FAM149A: variants seen among roughly 807,000 people sequenced by gnomAD.
FAM149A encodes the protein protein FAM149A.
FAM149A carries 71 observed loss-of-function variants against 78.2 expected under a neutral mutation model. The ratio of observed to expected loss-of-function variants is 0.91; its 90% confidence interval spans 0.75 to 1.11. The LOEUF (loss-of-function observed/expected upper bound fraction) is 1.11. Among genes scored for constraint, FAM149A ranks in the 50% least tolerant of loss-of-function variants. The pLI is 0.00. For synonymous variants in FAM149A, 446 were observed against 410.5 expected, an observed-to-expected ratio of 1.09 and a Z score of -1.04; for missense variants, 1,036 against 971.0, an observed-to-expected ratio of 1.07 and a Z score of -0.89.
At chr4:186,140,019 G>GAAT (rs2126406817) in intron 1 of FAM149A, among the ~76,000 whole-genome samples, 1 of 152,246 alleles carries the variant, frequency 6.6e-6, no homozygotes, top group South Asian at 2.1e-4. Context: ...CTGAAAAAAG[G>GAAT]AATAATTTAC....
At chr4:186,160,271 CACAA>C (rs1466260551) in intron 8 of FAM149A, among the ~76,000 whole-genome samples, 1 of 146,560 alleles carries the variant, frequency 6.8e-6, no homozygotes. Flanking sequence ...ACACACCCGA[CACAA>C]ACACACCACA....
intron 1 of FAM149A, among the ~76,000 whole-genome samples, chr4:186,129,307 A>G (rs1353960352): frequency 2.0e-5 from 3 of 152,104 alleles, no homozygotes; most frequent in Non-Finnish European, 2.9e-5. Context: ...TATGGCCAAT[A>G]TTGGTCAAGG....
chr4:186,152,539 CTTTTTTTTTTTTTT>C (rs10718602), intron 4 of FAM149A, among the ~76,000 whole-genome samples: 7 of 88,272 alleles, frequency 7.9e-5, no homozygotes, highest in African/African-American at 3.3e-4. Context: ...TTTCTTTTTG[CTTTTTTTTTTTTTT>C]TTTTTTTTTG....
intron 1 of FAM149A, among the ~76,000 whole-genome samples, chr4:186,120,647 A>G (rs1327883667): frequency 6.6e-6 from 1 of 151,092 alleles, no homozygotes; most frequent in African/African-American, 2.4e-5. Context: ...CACAAAAATT[A>G]GCCAGGCATG....
intron 1 of FAM149A, among the ~76,000 whole-genome samples, chr4:186,130,579 A>T (rs982252022): frequency 6.6e-6 from 1 of 150,854 alleles, no homozygotes; most frequent in Non-Finnish European, 1.5e-5. Context: ...GGCTGGTCTC[A>T]AACTCCTGGA....
At chr4:186,151,250 G>C (rs1172854946) in intron 3 of FAM149A, among the ~76,000 whole-genome samples, 1 of 152,122 alleles carries the variant, frequency 6.6e-6, no homozygotes, top group Non-Finnish European at 1.5e-5. Flanking sequence ...CGCCTTCCTT[G>C]GTAGAAGGCT....
At position 186,155,977 on chromosome 4, in the gene FAM149A, TTG is replaced by T. The variant is rs769752801; in HGVS notation, c.1230-22_1230-21del. On this transcript the variant is annotated intron_variant, in intron 6 of 13. Coordinates refer to ENST00000389354, the MANE Select transcript of FAM149A (RefSeq NM_001367768.3). Reference sequence around the variant, plus strand: ...ACTCTAAGCATTGATCTTTTAGTAATTGGAGTGGGTTTTTATTCTTAGTGATG... The same window carrying T: ...ACTCTAAGCATTGATCTTTTAGTAATGAGTGGGTTTTTATTCTTAGTGATG... 66 of 1,599,510 alleles carry T rather than the reference TTG, an allele frequency of 4.1e-5. 2 individuals carry two copies. Among genetic ancestry groups the T allele is most frequent in the Non-Finnish European group, 8.5e-6 (10 of 1,171,964 alleles).
chr4:186,150,090 A>G (rs1185351516), intron 3 of FAM149A, among the ~76,000 whole-genome samples: 13 of 151,864 alleles, frequency 8.6e-5, no homozygotes, highest in Non-Finnish European at 8.8e-5. Context: ...ACTCCCCGCC[A>G]GTATTCCCAG....
intron 9 of FAM149A, 40 bp downstream of exon 9, chr4:186,162,988 C>T: frequency 8.6e-7 from 1 of 1,157,320 alleles, no homozygotes; most frequent in Non-Finnish European, 1.3e-6. Flanking sequence ...AGCCTCTTCC[C>T]TGTGCTGCAA....
intron 1 of FAM149A, chr4:186,131,944 C>T (rs1371006009): frequency 1.0e-6 from 1 of 985,320 alleles, no homozygotes; most frequent in East Asian, 1.1e-4. Context: ...AGCCCTTTAA[C>T]TGTAGTTAAT....
chr4:186,115,300 A>T lies in FAM149A; in HGVS notation c.566+9658A>T, dbSNP rs370121418. Among the ~76,000 whole-genome samples, 3 of 84,536 alleles carry T rather than the reference A, an allele frequency of 3.5e-5. 1 individual carries two copies. The highest frequency in any genetic ancestry group is 9.1e-5 in the African/African-American group (2 of 21,962). The allele number at this position is 84,536 out of a possible 152,430, so 55.5% of individuals were successfully genotyped here. A position where few individuals can be genotyped will look rare whatever the true frequency, so the allele number is the denominator to read the frequency against. ...TTATTCTAGTTATGCATTCTTCTAA[A>T]TTTTTTTCAAAGTTTTCAACTTCTT... On this transcript the variant is annotated intron_variant, in intron 1 of 13. Coordinates refer to ENST00000389354, the MANE Select transcript of FAM149A (RefSeq NM_001367768.3).
At chr4:186,120,420 C>T (rs955490979) in intron 1 of FAM149A, among the ~76,000 whole-genome samples, 10 of 152,124 alleles carry the variant, frequency 6.6e-5, no homozygotes, top group Non-Finnish European at 1.2e-4. Flanking sequence ...TTAAAATCTA[C>T]TTCCAAAGTA....
chr4:186,165,410 A>T lies in FAM149A; in HGVS notation c.1956A>T (p.Leu652=), dbSNP rs774224809. ...CGTCACGGAGCAGGTTCCCCCCGCT[A>T]GTCACGGAGACCAGGGGGCAGAATA... The change falls in exon 11 of 14, where the codon CTA becomes CTT. Residue 652 remains leucine (L), a synonymous_variant. Coordinates refer to ENST00000389354, the MANE Select transcript of FAM149A (RefSeq NM_001367768.3). 1.2e-6 allele frequency: 2 copies of T among 1,613,958 alleles called. No homozygotes were observed. The highest frequency in any genetic ancestry group is 2.7e-5 in the African/African-American group (2 of 74,946).
intron 1 of FAM149A, chr4:186,118,328 T>C: frequency 1.4e-6 from 1 of 716,018 alleles, no homozygotes. Flanking sequence ...CTGCTTGCAG[T>C]TACCAGGTAG....
In FAM149A at chr4:186,144,977, C is replaced by A. The variant is rs1380623461; in HGVS notation, c.567-4196C>A. 1.2e-4 allele frequency: 119 copies of A among 975,818 alleles called. No individual in the cohort carries two copies. The African/African-American group carries it at 2.0e-3, about 17-fold the overall frequency. 60.4% of individuals were successfully genotyped at this position (975,818 alleles called of 1,614,324 possible). A position where few individuals can be genotyped will look rare whatever the true frequency, so the allele number is the denominator to read the frequency against. ...GGCGCGGGCGGGTGGGGAGCCCCAG[C>A]CCCGGGGCCGCGGGGGCGCGTGACC... On this transcript the variant is annotated intron_variant, in intron 1 of 13. Coordinates refer to ENST00000389354, the MANE Select transcript of FAM149A (RefSeq NM_001367768.3). This position sits in a 1 kb window ranked among gnomAD's most constrained non-coding sequence, Gnocchi z 4.2.
At chr4:186,159,314 A>G (rs1368621857) in intron 8 of FAM149A, among the ~76,000 whole-genome samples, 1 of 152,186 alleles carries the variant, frequency 6.6e-6, no homozygotes, top group Admixed American at 6.5e-5. Flanking sequence ...TTCTGATTAC[A>G]GGAGGGGGAT....
intron 1 of FAM149A, among the ~76,000 whole-genome samples, chr4:186,135,862 G>A (rs943329073): frequency 4.6e-5 from 7 of 152,200 alleles, no homozygotes; most frequent in African/African-American, 1.7e-4. Context: ...ACAAGGCAGG[G>A]TCGCCTTGTG....
intron 1 of FAM149A, among the ~76,000 whole-genome samples, chr4:186,124,583 G>T (rs28672964): frequency 6.6e-6 from 1 of 151,704 alleles, no homozygotes; most frequent in African/African-American, 2.4e-5. Flanking sequence ...TCCCTACAAA[G>T]GACATGACCT....
rs750537495 is a variant in FAM149A, at chr4:186,149,720, T to C, written c.789+16T>C. ...GAGAGATGACGTATGTCTCAGAATA[T>C]TTTGGATAATCTTGTAATTACAGTT... On this transcript the variant is annotated intron_variant, in intron 3 of 13. Transcript: ENST00000389354. 7.9e-7 allele frequency: 1 copy of C among 1,258,056 alleles called. No homozygotes were observed. Among genetic ancestry groups the C allele is most frequent in the South Asian group, 1.3e-5 (1 of 75,532 alleles). The allele number at this position is 1,258,056 out of a possible 1,614,324, so 77.9% of individuals were successfully genotyped here.
Sources: allele counts gnomAD v4.1 joint callset (sites outside exome capture counted in the v4.1 genomes callset), GRCh38; gene constraint gnomAD v4.1.1; non-coding constraint Gnocchi (gnomAD v3.1); transcripts MANE v1.5; gene names NCBI Gene and HGNC (gene_info 2026-07-23, HGNC 2026-07-21).